Variants in LPO observed in about 807,000 individuals in gnomAD.
LPO encodes the protein salivary peroxidase.
LPO carries 70 observed loss-of-function variants against 68.4 expected under a neutral mutation model. The observed-to-expected ratio is 1.02, with a 90% CI of 0.84 to 1.25. The LOEUF is 1.25. LPO is among the 50% of genes most tolerant of loss of function. The probability of loss-of-function intolerance (pLI) is 0.00; values close to 1 mark genes in which losing one functional copy is unlikely to be tolerated. For synonymous variants in LPO, 360 were observed against 357.6 expected (o/e 1.01, Z -0.08); for missense variants, 873 against 908.4 (o/e 0.96, Z 0.50).
At chr17:58,248,747 G>T (rs1969898350) in intron 4 of LPO, among the ~76,000 whole-genome samples, 1 of 152,120 alleles carries the variant, frequency 6.6e-6, no homozygotes, top group South Asian at 2.1e-4. Context: ...AGAAAGATCT[G>T]TCAATTCAAA....
At chr17:58,261,732 G>T (rs1970178770) in intron 9 of LPO, among the ~76,000 whole-genome samples, 1 of 151,942 alleles carries the variant, frequency 6.6e-6, no homozygotes, top group African/African-American at 2.4e-5. Context: ...TTGCCTTCCT[G>T]TGGGTTAATT....
At chr17:58,251,926 C>A (rs779914912) in intron 7 of LPO, 1 of 715,500 alleles carries the variant, frequency 1.4e-6, no homozygotes, top group Non-Finnish European at 2.6e-6. Context: ...CCCTCCTCAC[C>A]AGAAATTTGG....
At position 58,249,377 on chromosome 17, in the gene LPO, A is replaced by G. The variant is rs1049952997; in HGVS notation, c.444-189A>G. On this transcript the variant is annotated intron_variant, in intron 5 of 12. Transcript: ENST00000262290. The stretch of plus-strand genomic sequence containing the variant: ...CCCACTGTGTGTCTCTGGAAGCGGC[A>G]CCTTTCCCCGGGGCGGGGGAGCCCC... 1.4e-5 allele frequency: 14 copies of G among 994,332 alleles called. No individual in the cohort carries two copies. In the African/African-American group the frequency reaches 2.1e-4, roughly 15 times the overall value. 61.6% of individuals were successfully genotyped at this position (994,332 alleles called of 1,614,324 possible).
At chr17:58,244,439 G>C (rs1489158100) in intron 3 of LPO, 2 of 250,190 alleles carry the variant, frequency 8.0e-6, no homozygotes, top group Non-Finnish European at 1.5e-5. Context: ...GACTGATTCA[G>C]CCAGGTCCAC....
chr17:58,252,237 G>C lies in LPO; in HGVS notation c.836G>C (p.Arg279Pro), dbSNP rs375737858. The change falls in exon 8 of 13, where the codon CGA becomes CCA. Residue 279 changes from arginine to proline, a missense_variant. Transcript: ENST00000262290. ...GTQGKCMPFF[R>P]AGFVCPTPPY... ...CAAGGGAAATGCATGCCTTTCTTCC[G>C]AGCTGGGTTCGTCTGCCCCACTCCA... 6.2e-7 allele frequency: 1 copy of C among 1,614,076 alleles called. No homozygotes were observed.
At chr17:58,254,633 T>C (rs1233118880) in intron 8 of LPO, 178 bp from the exon 9 acceptor site, 1 of 566,998 alleles carries the variant, frequency 1.8e-6, no homozygotes, top group Non-Finnish European at 3.0e-6. Flanking sequence ...GAACTGAGAG[T>C]CAAACCTATG....
intron 9 of LPO, among the ~76,000 whole-genome samples, chr17:58,263,598 G>A (rs972769487): frequency 1.3e-5 from 2 of 152,082 alleles, no homozygotes; most frequent in Admixed American, 6.6e-5. Flanking sequence ...AACTAGCCGG[G>A]CTTGGTGGCA....
chr17:58,252,271 G>A lies in LPO; in HGVS notation c.870G>A (p.Lys290=). 7 of 1,614,124 alleles carry A rather than the reference G, an allele frequency of 4.3e-6. No individual in the cohort carries two copies. The highest frequency in any genetic ancestry group is 5.9e-6 in the Non-Finnish European group (7 of 1,180,026). Residue 290 remains lysine (K), a synonymous_variant, in exon 8 of 13, where the codon AAG becomes AAA. Coordinates refer to ENST00000262290, the MANE Select transcript of LPO (RefSeq NM_006151.3). ...TCGTCTGCCCCACTCCACCCTACAA[G>A]TCCCTGGCCCGAGAGCAGATCAACG... is the stretch of plus-strand genomic sequence containing the variant. The part of the protein sequence containing the change: ...AGFVCPTPPY[K]SLAREQINAL...
chr17:58,249,145 T>C lies in LPO; in HGVS notation c.411T>C (p.Pro137=), dbSNP rs997065313. 11 of 1,614,090 alleles carry C rather than the reference T, an allele frequency of 6.8e-6. No homozygotes were observed. In the African/African-American group the frequency reaches 1.5e-4, roughly 22 times the overall value. The change falls in exon 5 of 13, where the codon CCT becomes CCC. Residue 137 remains proline (P), a synonymous_variant. Coordinates refer to ENST00000262290, the MANE Select transcript of LPO (RefSeq NM_006151.3). The stretch of plus-strand genomic sequence containing the variant: ...TGGTGAGATGCGACCCGTGCAGCCC[T>C]TACCGCACCATTACGGGAGACTGCA... ...APVVRCDPCS[P]YRTITGDCNN...
intron 3 of LPO, 69 bp from the exon 4 acceptor site, chr17:58,247,409 C>G: frequency 7.1e-7 from 1 of 1,409,296 alleles, no homozygotes; most frequent in Non-Finnish European, 9.7e-7. Context: ...ACCCCTCCCA[C>G]CCCTCCAGCG....
intron 1 of LPO, among the ~76,000 whole-genome samples, chr17:58,239,548 G>C (rs1288921556): frequency 6.6e-6 from 1 of 151,928 alleles, no homozygotes; most frequent in African/African-American, 2.4e-5. Flanking sequence ...GCAGGTGATG[G>C]GGCAAGAATT....
At position 58,249,117 on chromosome 17, in the gene LPO, C is replaced by T. The variant is rs1206669463; in HGVS notation, c.383C>T (p.Pro128Leu). Residue 128 changes from proline to leucine, a missense_variant, in exon 5 of 13, where the codon CCC becomes CTC. Coordinates refer to ENST00000262290, the MANE Select transcript of LPO (RefSeq NM_006151.3). ...SLEVGCGAPA[P>L]VVRCDPCSPY... ...GAGGTGGGCTGTGGTGCTCCTGCTC[C>T]CGTGGTGAGATGCGACCCGTGCAGC... The T allele has an allele frequency of 6.2e-7, 1 of 1,614,208 alleles. No individual in the cohort carries two copies. Among genetic ancestry groups the T allele is most frequent in the South Asian group, 1.1e-5 (1 of 91,086 alleles).
At chr17:58,247,985 G>A (rs890086800) in intron 4 of LPO, among the ~76,000 whole-genome samples, 1 of 152,222 alleles carries the variant, frequency 6.6e-6, no homozygotes, top group African/African-American at 2.4e-5. Flanking sequence ...CTAAGCCACA[G>A]TGTCACCACT....
At chr17:58,240,461 G>A (rs549838229) in intron 1 of LPO, among the ~76,000 whole-genome samples, 64 of 152,348 alleles carry the variant, frequency 4.2e-4, no homozygotes, top group Admixed American at 1.8e-3. Context: ...CTCTTGCCCT[G>A]TGTGGTTCTG....
intron 9 of LPO, among the ~76,000 whole-genome samples, chr17:58,262,640 G>A (rs1010466069): frequency 1.3e-5 from 2 of 152,260 alleles, no homozygotes; most frequent in African/African-American, 2.4e-5. Flanking sequence ...TGATCCACCC[G>A]CCTCAGCCTC....
chr17:58,251,009 C>T (rs575203452), intron 7 of LPO: 8 of 233,480 alleles, frequency 3.4e-5, no homozygotes, highest in East Asian at 2.0e-4. Context: ...TTGGGCGAGG[C>T]GGCTCATGCC....
chr17:58,239,236 C>A (rs974883756), intron 1 of LPO, among the ~76,000 whole-genome samples: 12 of 150,286 alleles, frequency 8.0e-5, no homozygotes, highest in Non-Finnish European at 1.5e-4. Context: ...TCCAGCATCT[C>A]ATGCCTGCCA....
At chr17:58,249,035 C>T in intron 4 of LPO, 25 bp from the exon 5 acceptor site, 1 of 1,575,024 alleles carries the variant, frequency 6.3e-7, no homozygotes, top group Non-Finnish European at 8.7e-7. Flanking sequence ...AGAACTCAGT[C>T]CCTTTGGGGT....
At chr17:58,263,351 C>A (rs1019421462) in intron 9 of LPO, among the ~76,000 whole-genome samples, 1 of 152,154 alleles carries the variant, frequency 6.6e-6, no homozygotes, top group Non-Finnish European at 1.5e-5. Flanking sequence ...TTACTCAAAA[C>A]GTGGCATTTC....
Sources: allele counts gnomAD v4.1 joint callset (sites outside exome capture counted in the v4.1 genomes callset), GRCh38; gene constraint gnomAD v4.1.1; transcripts MANE v1.5; gene names NCBI Gene and HGNC (gene_info 2026-07-23, HGNC 2026-07-21).